AHNAK2: variants seen among roughly 807,000 people sequenced by gnomAD.
The protein encoded by AHNAK2 is protein AHNAK2.
In AHNAK2, 18 loss-of-function variants were observed where a neutral mutation model predicts 30.7. That is an observed-to-expected ratio of 0.59 (90% CI 0.41 to 0.87). AHNAK2 has a LOEUF of 0.87. AHNAK2 is among the 40% of genes least tolerant of loss of function. The pLI is 0.00. For synonymous variants in AHNAK2, 3,590 were observed against 3,073.8 expected (o/e 1.17, Z -5.56); for missense variants, 8,604 against 7,373.0 (o/e 1.17, Z -6.11).
chr14:104,953,535 C>T lies in AHNAK2; in HGVS notation c.1916G>A (p.Ser639Asn). 6.2e-7 allele frequency: 1 copy of T among 1,614,026 alleles called. No individual in the cohort carries two copies. Among genetic ancestry groups the T allele is most frequent in the Non-Finnish European group, 8.5e-7 (1 of 1,179,898 alleles). ...TTTTGTTGTGTTTGTCATTGAGTCA[C>T]TGTCTTCTTTGTCTTTTAATCCTTC... ...TEEGLKDKED[S>N]DSMTNTTKIQ... is the part of the protein sequence containing the mutation. The change falls in exon 7 of 7, where the codon AGT (serine) becomes AAT (asparagine). Residue 639 changes from serine (S) to asparagine (N), a missense_variant. Ser to Asn is a conservative substitution (Grantham distance 46). Coordinates refer to ENST00000333244, the MANE Select transcript of AHNAK2 (RefSeq NM_138420.4).
At position 104,945,163 on chromosome 14, in the gene AHNAK2, G is replaced by C. The variant is rs376571290; in HGVS notation, c.10288C>G (p.Pro3430Ala). The C allele has an allele frequency of 3.5e-5, 57 of 1,612,934 alleles. No individual in the cohort carries two copies. The highest frequency in any genetic ancestry group is 4.5e-5 in the Non-Finnish European group (53 of 1,179,684). Residue 3430 changes from proline (P) to alanine (A), a missense_variant, in exon 7 of 7, where the codon CCT becomes GCT. Physicochemically the swap from Pro to Ala is conservative, Grantham distance 27 (BLOSUM62 -1). Coordinates refer to ENST00000333244, the MANE Select transcript of AHNAK2 (RefSeq NM_138420.4). ...LKVPKAEVTVPDVEVSLPSVE... is the reference protein window; with the variant it reads ...LKVPKAEVTVADVEVSLPSVE... ...CTGGGCAGAGACACCTCCACATCAGGGACTGTCACTTCCGCCTTGGGGACT... is the reference window on the plus strand; with the variant it reads ...CTGGGCAGAGACACCTCCACATCAGCGACTGTCACTTCCGCCTTGGGGACT...
At position 104,944,291 on chromosome 14, in the gene AHNAK2, G is replaced by A; in HGVS notation, c.11160C>T (p.His3720=). 1 of 1,613,046 alleles carries A rather than the reference G, an allele frequency of 6.2e-7. No homozygotes were observed. The highest frequency in any genetic ancestry group is 8.5e-7 in the Non-Finnish European group (1 of 1,179,602). ...QVPEGAGLKE[H]LPKVEMPSLK... Reference sequence around the variant, plus strand: ...AACTGGGCATCTCCACCTTGGGCAGGTGCTCTTTGAGGCCGGCTCCCTCGG... The same window carrying A: ...AACTGGGCATCTCCACCTTGGGCAGATGCTCTTTGAGGCCGGCTCCCTCGG... The change falls in exon 7 of 7, where the codon CAC becomes CAT. Residue 3720 remains histidine (H), a synonymous_variant. Coordinates refer to ENST00000333244, the MANE Select transcript of AHNAK2 (RefSeq NM_138420.4).
At position 104,955,140 on chromosome 14, in the gene AHNAK2, C is replaced by G. The variant is rs200286499; in HGVS notation, c.468G>C (p.Gly156=). Residue 156 remains glycine (G), a splice_region_variant and synonymous_variant, in exon 6 of 7, where the codon GGG becomes GGC. Coordinates refer to ENST00000333244, the MANE Select transcript of AHNAK2 (RefSeq NM_138420.4). Reference sequence around the variant, plus strand: ...ACACGGTTGTACTGAGCAGCTGATCCCCTAGACCAAGAAAGAGCAGCCCCA... The same window carrying G: ...ACACGGTTGTACTGAGCAGCTGATCGCCTAGACCAAGAAAGAGCAGCCCCA... The part of the protein sequence containing the change: ...SAAKLFNLRE[G]DQLLSTTVFF... 8.7e-6 allele frequency: 14 copies of G among 1,602,772 alleles called. No individual in the cohort carries two copies. The highest frequency in any genetic ancestry group is 1.2e-5 in the Non-Finnish European group (14 of 1,175,284).
Position 104,957,639 on chromosome 14 carries a change from C to T in AHNAK2, c.89G>A (p.Gly30Asp). 1 of 1,611,214 alleles carries T rather than the reference C, an allele frequency of 6.2e-7. No homozygotes were observed. Among genetic ancestry groups the T allele is most frequent in the South Asian group, 1.1e-5 (1 of 90,604 alleles). Residue 30 changes from glycine (G) to aspartate (D), a missense_variant, in exon 2 of 7, where the codon GGT becomes GAT. Gly to Asp is a moderately conservative substitution (Grantham distance 94, BLOSUM62 -1). Coordinates refer to ENST00000333244, the MANE Select transcript of AHNAK2 (RefSeq NM_138420.4). The part of the protein sequence containing the change: ...SGRQLQPGEP[G>D]AETEDDHSVT... Reference sequence around the variant, plus strand: ...AGAGTGGTCATCTTCCGTTTCTGCACCTGGCTCCCCGGGCTGCAGCTGACG... The same window carrying T: ...AGAGTGGTCATCTTCCGTTTCTGCATCTGGCTCCCCGGGCTGCAGCTGACG...
At position 104,946,444 on chromosome 14, in the gene AHNAK2, C is replaced by T; in HGVS notation, c.9007G>A (p.Val3003Met). 1 of 1,613,006 alleles carries T rather than the reference C, an allele frequency of 6.2e-7. No homozygotes were observed. The highest frequency in any genetic ancestry group is 1.3e-5 in the African/African-American group (1 of 74,730). ...TCGGCCTCCACCTTCGGCGCAGACA[C>T]ATCCACCGAGACCTCAATGGACTTG... ...PGKSIEVSVD[V>M]SAPKVEAEVS... is the part of the protein sequence containing the mutation. Residue 3003 changes from valine (V) to methionine (M), a missense_variant, in exon 7 of 7, where the codon GTG (valine) becomes ATG (methionine). By Grantham distance (21) the Val-to-Met change is conservative. Coordinates refer to ENST00000333244, the MANE Select transcript of AHNAK2 (RefSeq NM_138420.4).
Position 104,944,151 on chromosome 14 carries a change from G to A in AHNAK2, c.11300C>T (p.Pro3767Leu). Residue 3767 changes from proline to leucine, a missense_variant, in exon 7 of 7, where the codon CCC (proline) becomes CTC (leucine). Physicochemically the swap from Pro to Leu is moderately conservative, Grantham distance 98. Transcript: ENST00000333244. The part of the protein sequence containing the change: ...VTAPDVEVSL[P>L]SVEVDVQAPR... The stretch of plus-strand genomic sequence containing the variant: ...GGCCTGGACGTCCACCTCCACGCTG[G>A]GCAGAGACACCTCCACATCAGGGGC... The A allele has an allele frequency of 3.7e-6, 6 of 1,613,370 alleles. No individual in the cohort carries two copies. The highest frequency in any genetic ancestry group is 5.1e-6 in the Non-Finnish European group (6 of 1,179,756).
At chr14:104,973,127 G>A (rs966342978) in intron 1 of AHNAK2, among the ~76,000 whole-genome samples, 2 of 152,236 alleles carry the variant, frequency 1.3e-5, no homozygotes, top group Admixed American at 6.5e-5. Flanking sequence ...TCAGGCAGGT[G>A]TCTGATCAGC....
chr14:104,955,263 C>A, intron 5 of AHNAK2, 122 bp from the exon 6 acceptor site: 1 of 1,322,108 alleles, frequency 7.6e-7, no homozygotes, highest in African/African-American at 1.5e-5. Flanking sequence ...TGAGTCTGCC[C>A]CACCAGTCCC....
rs913970870 is a variant in AHNAK2 at position 104,953,811 on chromosome 14, G to A, written c.1640C>T (p.Ala547Val). 4 of 1,613,912 alleles carry A rather than the reference G, an allele frequency of 2.5e-6. No homozygotes were observed. Among genetic ancestry groups the A allele is most frequent in the Non-Finnish European group, 2.5e-6 (3 of 1,179,888 alleles). The change falls in exon 7 of 7, where the codon GCA (alanine) becomes GTA (valine). Residue 547 changes from alanine to valine, a missense_variant. Coordinates refer to ENST00000333244, the MANE Select transcript of AHNAK2 (RefSeq NM_138420.4). ...ATCTCCTTCATCCCCCTGTGCTTCT[G>A]CATGTGTGGTTGGTTCCCTGCCCGG... is the stretch of plus-strand genomic sequence containing the variant. ...WMPGREPTTH[A>V]EAQGDEGDGE...
In AHNAK2 at chr14:104,949,873, G is replaced by A. The variant is rs112183935; in HGVS notation, c.5578C>T (p.Pro1860Ser). 1,973 of 1,587,698 alleles carry A rather than the reference G, an allele frequency of 1.2e-3. 180 individuals carry two copies. Among genetic ancestry groups the A allele is most frequent in the African/African-American group, 0.01 (753 of 72,438 alleles). Reference protein sequence around the residue: ...APKVEAEVSLPSMQGDLKTTD... With the variant: ...APKVEAEVSLSSMQGDLKTTD... Reference sequence around the variant, plus strand: ...GTCTTGAGGTCCCCCTGCATGGAGGGGAGGCTCACTTCGGCCTCCACCTTC... The same window carrying A: ...GTCTTGAGGTCCCCCTGCATGGAGGAGAGGCTCACTTCGGCCTCCACCTTC... The change falls in exon 7 of 7, where the codon CCC becomes TCC. Residue 1860 changes from proline to serine, a missense_variant. Physicochemically the swap from Pro to Ser is moderately conservative, Grantham distance 74. Transcript: ENST00000333244.
chr14:104,938,857 C>T lies in AHNAK2; in HGVS notation c.16594G>A (p.Ala5532Thr). The change falls in exon 7 of 7, where the codon GCT (alanine) becomes ACT (threonine). Residue 5532 changes from alanine to threonine, a missense_variant. Coordinates refer to ENST00000333244, the MANE Select transcript of AHNAK2 (RefSeq NM_138420.4). The stretch of plus-strand genomic sequence containing the variant: ...TGAGTCATTGTTGTGTACACTCTAG[C>T]CTGCGTGTGGGGCTCTGGGATTTTC... The part of the protein sequence containing the change: ...KVKIPEPHTQ[A>T]RVYTTMTQHS... The T allele has an allele frequency of 6.2e-7, 1 of 1,613,914 alleles. No homozygotes were observed. The highest frequency in any genetic ancestry group is 8.5e-7 in the Non-Finnish European group (1 of 1,179,894).
At position 104,951,954 on chromosome 14, in the gene AHNAK2, G is replaced by A. The variant is rs760653650; in HGVS notation, c.3497C>T (p.Pro1166Leu). Residue 1166 changes from proline to leucine, a missense_variant, in exon 7 of 7, where the codon CCC (proline) becomes CTC (leucine). Physicochemically the swap from Pro to Leu is moderately conservative, Grantham distance 98. Transcript: ENST00000333244. ...CCCGAACGATGGCATCTTGAACTTGGGCATTTTGAACCTGCTGTCTTTGGC... is the reference window on the plus strand; with the variant it reads ...CCCGAACGATGGCATCTTGAACTTGAGCATTTTGAACCTGCTGTCTTTGGC... The part of the protein sequence containing the change: ...VTAKDSRFKM[P>L]KFKMPSFGAS... The A allele has an allele frequency of 1.7e-5, 28 of 1,611,558 alleles. No individual in the cohort carries two copies. Among genetic ancestry groups the A allele is most frequent in the Non-Finnish European group, 2.2e-5 (26 of 1,179,288 alleles).
chr14:104,952,995 A>C lies in AHNAK2; in HGVS notation c.2456T>G (p.Leu819Arg). 1.2e-6 allele frequency: 2 copies of C among 1,612,586 alleles called. No homozygotes were observed. The highest frequency in any genetic ancestry group is 1.7e-6 in the Non-Finnish European group (2 of 1,179,562). Reference protein sequence around the residue: ...KLDGARLEGDLSLADKEVTAK... With the variant: ...KLDGARLEGDRSLADKEVTAK... ...AGTCACCTCCTTGTCGGCCAGGGAC[A>C]GGTCCCCCTCCAGCCGCGCACCATC... The change falls in exon 7 of 7, where the codon CTG becomes CGG. Residue 819 changes from leucine to arginine, a missense_variant. Coordinates refer to ENST00000333244, the MANE Select transcript of AHNAK2 (RefSeq NM_138420.4).
Position 104,954,253 on chromosome 14 carries a change from C to T in AHNAK2, c.1198G>A (p.Gly400Ser), listed in dbSNP as rs140752229. 1.5e-3 allele frequency: 2,347 copies of T among 1,612,892 alleles called. 11 individuals are homozygous for T. Among genetic ancestry groups the T allele is most frequent in the Middle Eastern group, 0.011 (69 of 6,062 alleles). Residue 400 changes from glycine (G) to serine (S), a missense_variant, in exon 7 of 7, where the codon GGT becomes AGT. By Grantham distance (56) the Gly-to-Ser change is moderately conservative (BLOSUM62 0). Coordinates refer to ENST00000333244, the MANE Select transcript of AHNAK2 (RefSeq NM_138420.4). This position sits in a 1 kb window ranked among gnomAD's most constrained non-coding sequence, Gnocchi z 4.3. ...AQSMPLPTELGDPRLCEGTPQ... is the reference protein window; with the variant it reads ...AQSMPLPTELSDPRLCEGTPQ... ...GTTCCCTCGCAAAGTCTAGGGTCAC[C>T]GAGCTCTGTGGGCAATGGCATGCTC...
chr14:104,964,677 C>T (rs1266301516), intron 1 of AHNAK2, among the ~76,000 whole-genome samples: 1 of 152,190 alleles, frequency 6.6e-6, no homozygotes, highest in Non-Finnish European at 1.5e-5. Context: ...AAGGTTGAGA[C>T]ACAGAAGCTA....
rs1297351084 is a variant in AHNAK2 at position 104,954,126 on chromosome 14, G to A, written c.1325C>T (p.Pro442Leu). ...ACCCTCCCGGCTCATTCCAGGAGTT[G>A]GCTGGGCCCTGGGCTTCCTCTGGGC... ...AVAQRKPRAQ[P>L]TPGMSREGEG... Residue 442 changes from proline to leucine, a missense_variant, in exon 7 of 7, where the codon CCA (proline) becomes CTA (leucine). Physicochemically the swap from Pro to Leu is moderately conservative, Grantham distance 98 (BLOSUM62 -3). Coordinates refer to ENST00000333244, the MANE Select transcript of AHNAK2 (RefSeq NM_138420.4). The surrounding 1 kb of genome is among the most constrained non-coding windows in gnomAD (Gnocchi z 4.3). The A allele has an allele frequency of 1.2e-6, 2 of 1,611,792 alleles. No homozygotes were observed. The highest frequency in any genetic ancestry group is 1.7e-6 in the Non-Finnish European group (2 of 1,179,862).
intron 1 of AHNAK2, among the ~76,000 whole-genome samples, chr14:104,961,280 C>T (rs1007193475): frequency 1.3e-4 from 19 of 151,960 alleles, no homozygotes; most frequent in Non-Finnish European, 2.5e-4. Context: ...TTTGGGAGGC[C>T]GAGGCGGGCG....
chr14:104,977,612 G>A (rs1038782702), intron 1 of AHNAK2, among the ~76,000 whole-genome samples: 3 of 152,146 alleles, frequency 2.0e-5, no homozygotes, highest in Admixed American at 2.0e-4. Context: ...CAGCCACACA[G>A]TAGACGCAGC....
chr14:104,946,957 T>C lies in AHNAK2; in HGVS notation c.8494A>G (p.Ile2832Val). 2 of 1,612,618 alleles carry C rather than the reference T, an allele frequency of 1.2e-6. No individual in the cohort carries two copies. Among genetic ancestry groups the C allele is most frequent in the Non-Finnish European group, 8.5e-7 (1 of 1,179,656 alleles). Reference sequence around the variant, plus strand: ...TCAGACACATCCACCGAGGCCTCGATGGACTTGCCTGGGGCCGACACCCCG... The same window carrying C: ...TCAGACACATCCACCGAGGCCTCGACGGACTTGCCTGGGGCCGACACCCCG... ...SFGVSAPGKS[I>V]EASVDVSELK... is the part of the protein sequence containing the mutation. The change falls in exon 7 of 7, where the codon ATC becomes GTC. Residue 2832 changes from isoleucine to valine, a missense_variant. Coordinates refer to ENST00000333244, the MANE Select transcript of AHNAK2 (RefSeq NM_138420.4).
Sources: gnomAD v4.1 joint callset for allele counts (sites outside exome capture counted in the v4.1 genomes callset) on GRCh38, gnomAD v4.1.1 for gene constraint, Gnocchi (gnomAD v3.1) non-coding constraint, MANE v1.5 for transcripts, NCBI Gene and HGNC (gene_info 2026-07-23, HGNC 2026-07-21) for gene names.